TMEM80: variants seen among roughly 807,000 people sequenced by gnomAD.
The protein encoded by TMEM80 is transmembrane protein 80.
A neutral mutation model predicts 13.6 loss-of-function variants in TMEM80; 16 were observed. The observed-to-expected ratio is 1.17, with a 90% confidence interval of 0.79 to 1.78. The LOEUF (loss-of-function observed/expected upper bound fraction) is 1.78. Ranked by LOEUF, TMEM80 falls within the 40% of genes most tolerant of loss-of-function variation. The pLI, the probability that TMEM80 is intolerant of heterozygous loss-of-function variation, is 0.00. For missense variants in TMEM80, 167 were observed against 184.6 expected, an observed-to-expected ratio of 0.90 and a Z score of 0.55; for synonymous variants, 92 against 89.5, an observed-to-expected ratio of 1.03 and a Z score of -0.16.
chr11:704,974 T>C (rs759991853), downstream of TMEM80: 1 of 300,550 alleles, frequency 3.3e-6, no homozygotes, highest in Non-Finnish European at 6.5e-6. Flanking sequence ...AGCTCATGCA[T>C]GGAGCAGGAT....
At chr11:701,406 C>CTTTTTTT (rs71022955) in intron 4 of TMEM80, among the ~76,000 whole-genome samples, 3 of 64,898 alleles carry the variant, frequency 4.6e-5, no homozygotes, top group African/African-American at 6.2e-5. Flanking sequence ...GACAAGGTTT[C>CTTTTTTT]TTTTTTTTTT....
chr11:700,275 C>T (rs1279067344), intron 3 of TMEM80, 40 bp downstream of exon 3: 2 of 1,575,970 alleles, frequency 1.3e-6, no homozygotes, highest in Non-Finnish European at 1.7e-6. Context: ...GCCTGTAATC[C>T]CAACATTTTG....
chr11:700,735 ACCTGT>A, intron 4 of TMEM80, 28 bp downstream of exon 4: 1 of 1,579,146 alleles, frequency 6.3e-7, no homozygotes, highest in Non-Finnish European at 8.7e-7. Flanking sequence ...ACCGTGAAGA[ACCTGT>A]CCTAAGAGTT....
chr11:701,516 G>T (rs186982458), intron 4 of TMEM80, among the ~76,000 whole-genome samples: 2,949 of 147,462 alleles, frequency 0.02, 54 homozygotes, highest in African/African-American at 0.046. Flanking sequence ...GTTCACGCCA[G>T]TCTCCTGTCT....
At chr11:704,505 C>T (rs1315037294), downstream of TMEM80, 14 of 1,289,194 alleles carry the variant, frequency 1.1e-5, no homozygotes, top group Admixed American at 4.6e-5. Flanking sequence ...CTGAGCGCCT[C>T]GGGCCACCTC....
intron 2 of TMEM80, chr11:699,759 AAAAG>A (rs1487129437): frequency 2.7e-5 from 5 of 184,812 alleles, no homozygotes; most frequent in African/African-American, 7.3e-5. Context: ...CTCAAAAAAA[AAAAG>A]AAAATGACAA....
At chr11:695,999 G>C (rs1861130616) in intron 1 of TMEM80, among the ~76,000 whole-genome samples, 153 bp downstream of exon 1, 1 of 151,798 alleles carries the variant, frequency 6.6e-6, no homozygotes, top group African/African-American at 2.4e-5. Context: ...ATCGAGAAGC[G>C]CGGCCTGGCC....
chr11:699,840 T>C, intron 2 of TMEM80: 1 of 328,378 alleles, frequency 3.0e-6, no homozygotes, highest in Non-Finnish European at 5.6e-6. Flanking sequence ...GGGATGCCAG[T>C]GTGTGGAGGC....
chr11:696,817 C>A (rs1047936493), intron 1 of TMEM80, among the ~76,000 whole-genome samples: 3 of 16,726 alleles, frequency 1.8e-4, no homozygotes, highest in Non-Finnish European at 4.8e-4. Flanking sequence ...CAGTAGCTCA[C>A]GCCTGTAATC....
chr11:699,054 G>A (rs187465646), intron 2 of TMEM80, 166 bp downstream of exon 2: 52 of 799,052 alleles, frequency 6.5e-5, no homozygotes, highest in Admixed American at 4.1e-4. Context: ...TAACTTCCTC[G>A]GATCAGTTCT....
At position 702,588 on chromosome 11, in the gene TMEM80, A is replaced by G. The variant is rs1299465367; in HGVS notation, c.227-357A>G. On this transcript the variant is annotated intron_variant, in intron 4 of 4. Transcript: ENST00000397510. ...AGAAAAATACTTTGGGAATTTTTCAAAAAAATCCCTTCAGTTCCACTTGGA... is the reference window on the plus strand; with the variant it reads ...AGAAAAATACTTTGGGAATTTTTCAGAAAAATCCCTTCAGTTCCACTTGGA... Among the ~76,000 whole-genome samples, 6 of 152,394 alleles carry G rather than the reference A, an allele frequency of 3.9e-5. No homozygotes were observed. In the South Asian group the frequency reaches 6.2e-4, roughly 16 times the overall value.
At chr11:701,406 CTTTTTTTTTT>C (rs71022955) in intron 4 of TMEM80, among the ~76,000 whole-genome samples, 2 of 64,900 alleles carry the variant, frequency 3.1e-5, no homozygotes, top group Admixed American at 4.3e-4. Flanking sequence ...GACAAGGTTT[CTTTTTTTTTT>C]TTTTTTTTTT....
downstream of TMEM80, chr11:704,535 C>T (rs537877180): frequency 4.2e-4 from 541 of 1,289,456 alleles, no homozygotes; most frequent in South Asian, 1.1e-3. Flanking sequence ...CGCCTGCACT[C>T]GCAGAAGACC....
At chr11:696,660 G>C (rs1031522308) in intron 1 of TMEM80, among the ~76,000 whole-genome samples, 2 of 146,332 alleles carry the variant, frequency 1.4e-5, no homozygotes, top group African/African-American at 5.1e-5. Context: ...AAGCTATTCT[G>C]GAGGCTGAGG....
chr11:699,094 T>C, intron 2 of TMEM80: 1 of 606,524 alleles, frequency 1.6e-6, no homozygotes, highest in Non-Finnish European at 2.9e-6. Flanking sequence ...TGCTCAGCCC[T>C]GCACAAAGTG....
chr11:695,857 G>C lies in TMEM80; in HGVS notation c.19+11G>C, dbSNP rs1263532430. The C allele has an allele frequency of 1.6e-6, 2 of 1,228,748 alleles. No homozygotes were observed. Among genetic ancestry groups the C allele is most frequent in the Non-Finnish European group, 2.0e-6 (2 of 985,224 alleles). 76.1% of individuals were successfully genotyped at this position (1,228,748 alleles called of 1,614,324 possible). A position where few individuals can be genotyped will look rare whatever the true frequency, so the allele number is the denominator to read the frequency against. The stretch of plus-strand genomic sequence containing the variant: ...CGGCCCCGCGGCGAGGTGAGCTCGG[G>C]CGGGGTGGGGGCTTCCGGGCTTGCA... On this transcript the variant is annotated intron_variant, in intron 1 of 4. Transcript: ENST00000397510.
At chr11:699,930 G>A (rs1861367271) in intron 2 of TMEM80, 2 of 554,522 alleles carry the variant, frequency 3.6e-6, no homozygotes, top group South Asian at 4.1e-5. Context: ...CATGGAGGGG[G>A]GTCCCACAAA....
At chr11:704,429 C>G (rs1010674453), downstream of TMEM80, 7 of 1,287,664 alleles carry the variant, frequency 5.4e-6, no homozygotes, top group Non-Finnish European at 7.1e-6. Flanking sequence ...TTTGACCTGT[C>G]TGTGGCCCCC....
At chr11:695,662 T>G, upstream of TMEM80, 1 of 1,244,936 alleles carries the variant, frequency 8.0e-7, no homozygotes. Context: ...GCCCGAGCGG[T>G]GCCGGACGGA....
Sources: gnomAD v4.1 joint callset for allele counts (sites outside exome capture counted in the v4.1 genomes callset) on GRCh38, gnomAD v4.1.1 for gene constraint, MANE v1.5 for transcripts, NCBI Gene and HGNC (gene_info 2026-07-23, HGNC 2026-07-21) for gene names.